The following RAPGEF6 variants were observed in gnomAD, a reference collection of about 807,000 sequenced individuals.
The protein encoded by RAPGEF6 is PDZ domain containing guanine nucleotide exchange factor (GEF) 2.
A neutral mutation model predicts 171.4 loss-of-function variants in RAPGEF6; 56 were observed. The observed-to-expected ratio is 0.33, with a 90% CI of 0.26 to 0.41. The LOEUF (loss-of-function observed/expected upper bound fraction) is 0.41, where lower values mean the gene tolerates loss of function less well. Among genes scored for constraint, RAPGEF6 ranks in the 10% least tolerant of loss-of-function variants. RAPGEF6 has a pLI of 1.00. For missense variants in RAPGEF6, 1,674 were observed against 1,921.4 expected, an observed-to-expected ratio of 0.87 and a Z score of 2.41; for synonymous variants, 692 against 650.1, an observed-to-expected ratio of 1.06 and a Z score of -0.98.
intron 4 of RAPGEF6, among the ~76,000 whole-genome samples, chr5:131,573,560 G>A (rs1173443126): frequency 1.3e-5 from 2 of 151,902 alleles, no homozygotes; most frequent in East Asian, 1.9e-4. Flanking sequence ...CCAGTCCTAC[G>A]CAGATACCCA....
At chr5:131,507,252 T>C (rs970801742) in intron 9 of RAPGEF6, among the ~76,000 whole-genome samples, 2 of 149,990 alleles carry the variant, frequency 1.3e-5, no homozygotes, top group Non-Finnish European at 3.0e-5. Context: ...ATTTATATTA[T>C]AAATGTACTG....
chr5:131,463,790 A>C, intron 18 of RAPGEF6: 1 of 1,103,188 alleles, frequency 9.1e-7, no homozygotes, highest in Non-Finnish European at 1.1e-6. Context: ...AAATTAGTAG[A>C]TACAGTCATT....
intron 24 of RAPGEF6, among the ~76,000 whole-genome samples, chr5:131,434,270 G>A (rs1328598005): frequency 6.6e-6 from 1 of 152,166 alleles, no homozygotes; most frequent in Non-Finnish European, 1.5e-5. Flanking sequence ...TAGACACAGG[G>A]TCCTGCTCTG....
At chr5:131,626,568 C>T (rs1311695202) in intron 1 of RAPGEF6, among the ~76,000 whole-genome samples, 1 of 151,880 alleles carries the variant, frequency 6.6e-6, no homozygotes, top group Non-Finnish European at 1.5e-5. Context: ...AATGCTCCCC[C>T]ATGAAGCTTG....
At chr5:131,458,567 T>C (rs1753685288) in intron 19 of RAPGEF6, among the ~76,000 whole-genome samples, 1 of 152,372 alleles carries the variant, frequency 6.6e-6, no homozygotes, top group South Asian at 2.1e-4. Context: ...TGTTCTTGGA[T>C]GGCAAGAGCC....
intron 5 of RAPGEF6, among the ~76,000 whole-genome samples, chr5:131,557,255 T>C (rs1428411300): frequency 1.3e-5 from 2 of 152,028 alleles, no homozygotes; most frequent in African/African-American, 4.8e-5. Context: ...TTTAAAAAGA[T>C]CTAAAAACAA....
intron 3 of RAPGEF6, among the ~76,000 whole-genome samples, chr5:131,598,248 A>G (rs1362961991): frequency 2.0e-5 from 3 of 152,196 alleles, no homozygotes; most frequent in Admixed American, 6.5e-5. Context: ...AAATTCACAA[A>G]TTAGAAAATA....
chr5:131,635,101 G>GCTACCTA lies in RAPGEF6; in HGVS notation c.-72_-71insTAGGTAG. On this transcript the variant is annotated 5_prime_UTR_variant, in exon 1 of 28. Coordinates refer to ENST00000509018, the MANE Select transcript of RAPGEF6 (RefSeq NM_016340.6). ...CACAGTTCATTCACACTAGGTAGCGGGTGCGGTACCTTTCCCCCGCCCCAA... is the reference window on the plus strand; with the variant it reads ...CACAGTTCATTCACACTAGGTAGCGGCTACCTAGTGCGGTACCTTTCCCCCGCCCCAA... The GCTACCTA allele has an allele frequency of 7.0e-7, 1 of 1,429,712 alleles. No homozygotes were observed. The highest frequency in any genetic ancestry group is 2.5e-5 in the East Asian group (1 of 39,692). 88.6% of individuals were successfully genotyped at this position (1,429,712 alleles called of 1,614,324 possible).
chr5:131,481,019 C>T (rs1324801008), intron 15 of RAPGEF6, among the ~76,000 whole-genome samples: 1 of 151,786 alleles, frequency 6.6e-6, no homozygotes. Flanking sequence ...ACAACCTTCA[C>T]CTCCTGGGTT....
At chr5:131,607,235 A>G (rs1764657328) in intron 1 of RAPGEF6, among the ~76,000 whole-genome samples, 1 of 152,218 alleles carries the variant, frequency 6.6e-6, no homozygotes, top group Non-Finnish European at 1.5e-5. Flanking sequence ...GGCACAGAAT[A>G]AAGACTAGTG....
chr5:131,585,471 G>C (rs956456605), intron 4 of RAPGEF6, among the ~76,000 whole-genome samples: 4 of 152,050 alleles, frequency 2.6e-5, no homozygotes, highest in African/African-American at 9.7e-5. Context: ...TCTGCTCACT[G>C]AGATAAATGC....
At chr5:131,586,967 C>T (rs1213536271) in intron 4 of RAPGEF6, among the ~76,000 whole-genome samples, 1 of 152,224 alleles carries the variant, frequency 6.6e-6, no homozygotes, top group African/African-American at 2.4e-5. Flanking sequence ...GGTGGAGCCA[C>T]AGAAGTCTGT....
chr5:131,430,012 T>C (rs1423612127), intron 26 of RAPGEF6, among the ~76,000 whole-genome samples: 1 of 147,246 alleles, frequency 6.8e-6, no homozygotes, highest in Admixed American at 6.9e-5. Flanking sequence ...GTCATGCCAC[T>C]GCACTCCAGC....
chr5:131,479,775 G>A (rs199687922), intron 15 of RAPGEF6, 22 bp from the exon 16 acceptor site: 173 of 1,596,882 alleles, frequency 1.1e-4, no homozygotes, highest in South Asian at 9.3e-4. Context: ...AAACAAATGC[G>A]TCATTTTATT....
intron 4 of RAPGEF6, among the ~76,000 whole-genome samples, chr5:131,589,672 T>C (rs71591978): frequency 0.011 from 1,686 of 152,368 alleles, 13 homozygotes; most frequent in Middle Eastern, 0.017. Flanking sequence ...ATTGTGTAAA[T>C]GTTCTCCTTT....
chr5:131,487,383 T>A (rs773016238), intron 15 of RAPGEF6, among the ~76,000 whole-genome samples: 21 of 152,206 alleles, frequency 1.4e-4, no homozygotes, highest in South Asian at 8.3e-4. Context: ...CCCTTATTTG[T>A]CCCTGCCCAC....
At chr5:131,609,733 A>C (rs1182228116) in intron 1 of RAPGEF6, among the ~76,000 whole-genome samples, 1 of 152,240 alleles carries the variant, frequency 6.6e-6, no homozygotes, top group Non-Finnish European at 1.5e-5. Flanking sequence ...TAACAAGTAG[A>C]CTATATATGG....
At chr5:131,456,390 T>C (rs1378283816) in intron 19 of RAPGEF6, among the ~76,000 whole-genome samples, 2 of 152,226 alleles carry the variant, frequency 1.3e-5, no homozygotes, top group Non-Finnish European at 2.9e-5. Flanking sequence ...GTTTAAGTAA[T>C]GCTGAGAACA....
intron 1 of RAPGEF6, among the ~76,000 whole-genome samples, chr5:131,618,960 G>A (rs1022918861): frequency 6.6e-5 from 10 of 150,378 alleles, no homozygotes; most frequent in African/African-American, 2.2e-4. Flanking sequence ...ATCTAATCAT[G>A]AGAAAACAAC....
Sources: gnomAD v4.1 joint callset for allele counts (sites outside exome capture counted in the v4.1 genomes callset) on GRCh38, gnomAD v4.1.1 for gene constraint, MANE v1.5 for transcripts, NCBI Gene and HGNC (gene_info 2026-07-23, HGNC 2026-07-21) for gene names.